Variants in CFAP54 observed in about 807,000 individuals in gnomAD.
CFAP54 encodes cilia- and flagella-associated protein 54.
CFAP54 carries 290 observed loss-of-function variants against 370.4 expected under a neutral mutation model. The ratio of observed to expected loss-of-function variants is 0.78; its 90% confidence interval spans 0.71 to 0.86. The LOEUF (loss-of-function observed/expected upper bound fraction) is 0.86. Ranked by LOEUF, CFAP54 falls within the 40% of genes least tolerant of loss-of-function variation. The probability of loss-of-function intolerance (pLI) is 0.00; values close to 1 mark genes in which losing one functional copy is unlikely to be tolerated. For synonymous variants in CFAP54, 1,206 were observed against 1,236.5 expected (o/e 0.98, Z 0.52); for missense variants, 3,399 against 3,528.7 (o/e 0.96, Z 0.93).
chr12:96,835,948 G>C (rs986098393), intron 66 of CFAP54, among the ~76,000 whole-genome samples: 1 of 152,138 alleles, frequency 6.6e-6, no homozygotes, highest in African/African-American at 2.4e-5. Context: ...AAAAGAACTA[G>C]GACAGGTAGA....
At chr12:96,717,329 T>C (rs1419696096) in intron 48 of CFAP54, among the ~76,000 whole-genome samples, 2 of 152,120 alleles carry the variant, frequency 1.3e-5, no homozygotes, top group African/African-American at 4.8e-5. Flanking sequence ...GCCCTAGCCC[T>C]CCCTCATCCT....
At chr12:96,730,457 A>G (rs1260545041) in intron 50 of CFAP54, among the ~76,000 whole-genome samples, 1 of 152,264 alleles carries the variant, frequency 6.6e-6, no homozygotes, top group Non-Finnish European at 1.5e-5. Context: ...GTTCAAAGAT[A>G]GGAAGGATAG....
chr12:96,519,477 A>T (rs1356810621), intron 6 of CFAP54, among the ~76,000 whole-genome samples: 1 of 152,152 alleles, frequency 6.6e-6, no homozygotes, highest in Non-Finnish European at 1.5e-5. Context: ...CCAACCAAAG[A>T]ATTGAAATGA....
intron 50 of CFAP54, among the ~76,000 whole-genome samples, chr12:96,737,917 C>G (rs566488361): frequency 2.0e-5 from 3 of 152,232 alleles, no homozygotes; most frequent in Admixed American, 6.5e-5. Flanking sequence ...ATCTCAGTAA[C>G]GGATCCAAAG....
At chr12:96,826,644 A>C (rs1276621639) in intron 65 of CFAP54, among the ~76,000 whole-genome samples, 2 of 107,948 alleles carry the variant, frequency 1.9e-5, no homozygotes, top group East Asian at 5.9e-4. Context: ...TAAATATAGT[A>C]TATATTAAAT....
chr12:96,681,829 C>A (rs921224988), intron 40 of CFAP54, among the ~76,000 whole-genome samples: 8 of 152,050 alleles, frequency 5.3e-5, no homozygotes, highest in Admixed American at 2.0e-4. Context: ...AAACTCCTGA[C>A]CTCAGGTGAT....
intron 26 of CFAP54, among the ~76,000 whole-genome samples, chr12:96,609,737 C>T (rs185617163): frequency 5.3e-5 from 8 of 152,188 alleles, no homozygotes; most frequent in Admixed American, 3.3e-4. Context: ...AATACACTTA[C>T]AAAATGATAG....
At chr12:96,558,769 A>G (rs546338024) in intron 17 of CFAP54, among the ~76,000 whole-genome samples, 36 of 152,322 alleles carry the variant, frequency 2.4e-4, no homozygotes, top group Non-Finnish European at 1.3e-4. Flanking sequence ...TCAAACTATA[A>G]AACTACTCCA....
intron 33 of CFAP54, chr12:96,646,729 T>G (rs1223951582): frequency 1.3e-5 from 2 of 152,186 alleles, no homozygotes; most frequent in African/African-American, 4.8e-5. Flanking sequence ...TAGACTGGAT[T>G]AAGAAAATGT....
chr12:96,831,287 A>G (rs1959170484), intron 66 of CFAP54, among the ~76,000 whole-genome samples: 1 of 152,230 alleles, frequency 6.6e-6, no homozygotes, highest in African/African-American at 2.4e-5. Flanking sequence ...AAATCAATAA[A>G]TGAGATAATT....
rs771532023 is a variant in CFAP54, at chr12:96,744,007, GT to G, written c.7558-6del. 10 of 1,604,884 alleles carry G rather than the reference GT, an allele frequency of 6.2e-6. No individual in the cohort carries two copies. In the Admixed American group the frequency reaches 6.9e-5, roughly 11 times the overall value. On this transcript the variant is annotated splice_polypyrimidine_tract_variant and intron_variant, in intron 54 of 67. Transcript: ENST00000524981. Reference sequence around the variant, plus strand: ...CAACTAATTGCTCATTACAATATTTGTTTTTTTAATAGATGCTAGCTTTTGG... The same window carrying G: ...CAACTAATTGCTCATTACAATATTTGTTTTTTAATAGATGCTAGCTTTTGG...
At chr12:96,555,440 G>A (rs977283218) in intron 17 of CFAP54, among the ~76,000 whole-genome samples, 6 of 151,092 alleles carry the variant, frequency 4.0e-5, no homozygotes, top group Admixed American at 1.3e-4. Context: ...AAGAAGATAA[G>A]AAAAATAAAG....
chr12:96,862,092 A>G (rs1959893123), intron 67 of CFAP54, among the ~76,000 whole-genome samples: 1 of 152,234 alleles, frequency 6.6e-6, no homozygotes, highest in African/African-American at 2.4e-5. Context: ...CTTTGATAAT[A>G]TAAGAAAAAG....
chr12:96,804,602 T>C (rs775177837), intron 63 of CFAP54, among the ~76,000 whole-genome samples: 8 of 152,040 alleles, frequency 5.3e-5, no homozygotes, highest in Non-Finnish European at 8.8e-5. Context: ...AAAACACTGA[T>C]GAAAGAAAGT....
chr12:96,505,962 T>A (rs1955095347), intron 3 of CFAP54, among the ~76,000 whole-genome samples: 1 of 152,098 alleles, frequency 6.6e-6, no homozygotes, highest in Non-Finnish European at 1.5e-5. Context: ...TCAAGAAACA[T>A]TTGTTGAGTG....
intron 55 of CFAP54, among the ~76,000 whole-genome samples, chr12:96,746,363 C>T (rs575640026): frequency 7.2e-5 from 11 of 152,242 alleles, no homozygotes; most frequent in African/African-American, 2.4e-4. Context: ...TCTTTCCTCC[C>T]CTCTCATTCA....
At chr12:96,642,470 A>G (rs1956741975) in intron 32 of CFAP54, among the ~76,000 whole-genome samples, 1 of 152,186 alleles carries the variant, frequency 6.6e-6, no homozygotes, top group East Asian at 1.9e-4. Flanking sequence ...ATCTATCTAA[A>G]TATAGCTATA....
chr12:96,637,131 C>T (rs941378978), intron 32 of CFAP54, among the ~76,000 whole-genome samples: 14 of 152,194 alleles, frequency 9.2e-5, no homozygotes, highest in African/African-American at 3.1e-4. Context: ...GGCTGTTTCA[C>T]GTATGTGTAA....
intron 47 of CFAP54, among the ~76,000 whole-genome samples, chr12:96,708,278 T>A (rs1173281097): frequency 6.6e-6 from 1 of 152,148 alleles, no homozygotes; most frequent in Non-Finnish European, 1.5e-5. Flanking sequence ...GAGTAGCCGA[T>A]GTGTGTGTCT....
Sources: allele counts gnomAD v4.1 joint callset (sites outside exome capture counted in the v4.1 genomes callset), GRCh38; gene constraint gnomAD v4.1.1; transcripts MANE v1.5; gene names NCBI Gene and HGNC (gene_info 2026-07-23, HGNC 2026-07-21).